Variants in ECPAS observed in about 807,000 individuals in gnomAD.
ECPAS encodes the protein Ecm29 proteasome adaptor and scaffold.
Under a neutral mutation model 255.1 loss-of-function variants are expected in ECPAS, and 70 were observed. The ratio of observed to expected loss-of-function variants is 0.27; its 90% CI spans 0.23 to 0.33. The LOEUF is 0.33. Among genes scored for constraint, ECPAS ranks in the 10% least tolerant of loss-of-function variants. ECPAS has a pLI of 1.00. For missense variants in ECPAS, 1,817 were observed against 2,206.4 expected, an observed-to-expected ratio of 0.82 and a Z score of 3.54; for synonymous variants, 784 against 775.0, an observed-to-expected ratio of 1.01 and a Z score of -0.19.
At position 111,470,333 on chromosome 9, in the gene ECPAS, T is replaced by C. The variant is rs572178030; in HGVS notation, c.22+2564A>G. ...TCCCTGGCCTTTTTTTTTTTTTTAG[T>C]GAAGTCTTGCTCTGTCACCCAGGCT... On this transcript the variant is annotated intron_variant, in intron 2 of 49. Coordinates refer to ENST00000684092, the MANE Select transcript of ECPAS (RefSeq NM_001364929.1). Among the ~76,000 whole-genome samples, 3 of 150,714 alleles carry C rather than the reference T, an allele frequency of 2.0e-5. No individual in the cohort carries two copies. In the South Asian group the frequency reaches 6.3e-4, roughly 32 times the overall value.
chr9:111,433,693 A>G (rs933588424), intron 7 of ECPAS, among the ~76,000 whole-genome samples: 13 of 152,214 alleles, frequency 8.5e-5, no homozygotes, highest in African/African-American at 3.1e-4. Context: ...CAAAATTATT[A>G]TGATACACAG....
In ECPAS at chr9:111,422,135, T is replaced by C; in HGVS notation, c.1331A>G (p.Lys444Arg). 2.5e-6 allele frequency: 4 copies of C among 1,613,818 alleles called. No individual in the cohort carries two copies. The highest frequency in any genetic ancestry group is 3.4e-6 in the Non-Finnish European group (4 of 1,179,782). ...TAAACTTAGCAGCTGTTTCCCTACC[T>C]TGCAAAGGGCTTCAAAAAGCTGCTG... The part of the protein sequence containing the change: ...LVQQLFEALC[K>R]EEPETRLAIQ... Residue 444 changes from lysine to arginine, a missense_variant and splice_region_variant, in exon 14 of 50, where the codon AAG (lysine) becomes AGG (arginine). Physicochemically the swap from Lys to Arg is conservative, Grantham distance 26. Coordinates refer to ENST00000684092, the MANE Select transcript of ECPAS (RefSeq NM_001364929.1).
At position 111,410,996 on chromosome 9, in the gene ECPAS, A is replaced by G; in HGVS notation, c.2361T>C (p.Ser787=). Residue 787 remains serine, a synonymous_variant, in exon 22 of 50, where the codon AGT becomes AGC. Coordinates refer to ENST00000684092, the MANE Select transcript of ECPAS (RefSeq NM_001364929.1). ...ATTAATTACCTATTGTTTCTGTAGC[A>G]CTCTGAATGAGTTCCTCTTGATCAG... ...TLPDQEELIQ[S]ATETIGSFLD... The G allele has an allele frequency of 6.2e-7, 1 of 1,613,708 alleles. No individual in the cohort carries two copies. The highest frequency in any genetic ancestry group is 8.5e-7 in the Non-Finnish European group (1 of 1,179,712).
chr9:111,452,133 A>G (rs2098261059), intron 2 of ECPAS, among the ~76,000 whole-genome samples: 1 of 152,198 alleles, frequency 6.6e-6, no homozygotes. Context: ...AACTTCTTCA[A>G]CCAGTACACT....
At chr9:111,425,638 C>A (rs941220908) in intron 11 of ECPAS, 105 bp downstream of exon 11, 18 of 968,192 alleles carry the variant, frequency 1.9e-5, no homozygotes, top group Middle Eastern at 2.3e-4. Flanking sequence ...TAAAGATGAG[C>A]AAACATGTTT....
intron 18 of ECPAS, among the ~76,000 whole-genome samples, chr9:111,415,263 GAA>G (rs398039647): frequency 1.3e-5 from 2 of 151,540 alleles, no homozygotes; most frequent in East Asian, 3.9e-4. Flanking sequence ...GAGAGAGAGA[GAA>G]AGACAGAGAG....
intron 2 of ECPAS, among the ~76,000 whole-genome samples, chr9:111,464,705 TG>T (rs144067440): frequency 0.015 from 2,314 of 151,974 alleles, 69 homozygotes; most frequent in African/African-American, 0.053. Flanking sequence ...GTCCCATTTA[TG>T]GAAAGTTTTT....
In ECPAS at chr9:111,370,558, T is replaced by C; in HGVS notation, c.4851A>G (p.Glu1617=). Reference sequence around the variant, plus strand: ...TGTATTTGACATTCTCTTTGCTACATTCCTTCAGAACAGCTTGAAGAATTT... The same window carrying C: ...TGTATTTGACATTCTCTTTGCTACACTCCTTCAGAACAGCTTGAAGAATTT... ...TNEILQAVLK[E]CSKENVKYKI... is the part of the protein sequence containing the mutation. Residue 1617 remains glutamate (E), a synonymous_variant, in exon 45 of 50, where the codon GAA becomes GAG. Transcript: ENST00000684092. 1 of 1,611,116 alleles carries C rather than the reference T, an allele frequency of 6.2e-7. No homozygotes were observed. Among genetic ancestry groups the C allele is most frequent in the Non-Finnish European group, 8.5e-7 (1 of 1,178,566 alleles).
At chr9:111,390,176 T>C (rs965811052) in intron 29 of ECPAS, 75 bp from the exon 30 acceptor site, 17 of 799,252 alleles carry the variant, frequency 2.1e-5, no homozygotes, top group Non-Finnish European at 3.4e-5. Context: ...ATCATCAATA[T>C]TACTAGGACA....
intron 2 of ECPAS, among the ~76,000 whole-genome samples, chr9:111,462,487 T>C (rs772182385): frequency 1.3e-5 from 2 of 152,078 alleles, no homozygotes; most frequent in Admixed American, 6.6e-5. Flanking sequence ...ATGATATTTA[T>C]GGGATAGGGT....
chr9:111,403,016 C>A (rs541126120), intron 24 of ECPAS, among the ~76,000 whole-genome samples: 5 of 152,082 alleles, frequency 3.3e-5, no homozygotes, highest in Non-Finnish European at 1.5e-5. Context: ...TACAGAATGG[C>A]TCAATGAATA....
At chr9:111,366,463 T>C (rs1589107085) in intron 47 of ECPAS, 59 bp downstream of exon 47, 1 of 1,374,058 alleles carries the variant, frequency 7.3e-7, no homozygotes, top group South Asian at 1.2e-5. Flanking sequence ...TTCCATTGAT[T>C]ATACATAAAA....
chr9:111,432,761 T>C (rs2098231985), intron 8 of ECPAS, among the ~76,000 whole-genome samples: 1 of 152,248 alleles, frequency 6.6e-6, no homozygotes. Flanking sequence ...ATACAGAATA[T>C]TTTCTATAAG....
rs1462621250 is a variant in ECPAS at position 111,484,103 on chromosome 9, G to A, written c.-83+13C>T. The A allele has an allele frequency of 2.2e-6, 3 of 1,352,906 alleles. No homozygotes were observed. The highest frequency in any genetic ancestry group is 1.5e-5 in the African/African-American group (1 of 65,028). 83.8% of individuals were successfully genotyped at this position (1,352,906 alleles called of 1,614,324 possible). On this transcript the variant is annotated intron_variant, in intron 1 of 49. Transcript: ENST00000684092. ...AGGGCCAGTCCCCCGCGGCCCGGGGGCGGGCCTCTGACCTGAGTCGGAGCC... is the reference window on the plus strand; with the variant it reads ...AGGGCCAGTCCCCCGCGGCCCGGGGACGGGCCTCTGACCTGAGTCGGAGCC...
chr9:111,464,588 C>T (rs1028420516), intron 2 of ECPAS, among the ~76,000 whole-genome samples: 2 of 151,952 alleles, frequency 1.3e-5, no homozygotes, highest in African/African-American at 2.4e-5. Flanking sequence ...AGTCACACAA[C>T]GATGGAAATA....
chr9:111,420,228 A>G (rs1031565439), intron 15 of ECPAS, 108 bp from the exon 16 acceptor site: 13 of 657,106 alleles, frequency 2.0e-5, no homozygotes, highest in Admixed American at 5.8e-5. Context: ...AACTGTAAAC[A>G]ATTCAAAATT....
chr9:111,383,493 G>A (rs77094914), intron 34 of ECPAS, among the ~76,000 whole-genome samples, 161 bp from the exon 35 acceptor site: 2 of 152,324 alleles, frequency 1.3e-5, no homozygotes, highest in East Asian at 1.9e-4. Flanking sequence ...CGGAGATTGA[G>A]TCCTAGGTCT....
intron 34 of ECPAS, among the ~76,000 whole-genome samples, chr9:111,384,004 T>A (rs1233049222): frequency 2.0e-5 from 3 of 151,978 alleles, no homozygotes; most frequent in Non-Finnish European, 4.4e-5. Context: ...TCAATAACGC[T>A]GGGTCACAGC....
At chr9:111,461,543 A>T (rs539735807) in intron 2 of ECPAS, among the ~76,000 whole-genome samples, 4 of 152,340 alleles carry the variant, frequency 2.6e-5, no homozygotes, top group African/African-American at 9.6e-5. Context: ...GACCACTTGA[A>T]CAAAATAGAA....
Sources: allele counts gnomAD v4.1 joint callset (sites outside exome capture counted in the v4.1 genomes callset), GRCh38; gene constraint gnomAD v4.1.1; transcripts MANE v1.5; gene names NCBI Gene and HGNC (gene_info 2026-07-23, HGNC 2026-07-21).